Variants in GNS observed in about 807,000 individuals in gnomAD.
GNS encodes the protein N-acetylglucosamine-6-sulfatase.
GNS carries 40 observed loss-of-function variants against 69.7 expected under a neutral mutation model. That is an observed-to-expected ratio of 0.57 (90% CI 0.45 to 0.75). The LOEUF is 0.75. GNS is among the 30% of genes least tolerant of loss of function. The pLI, the probability that GNS is intolerant of heterozygous loss-of-function variation, is 0.00. For synonymous variants in GNS, 243 were observed against 251.6 expected (o/e 0.97, Z 0.32); for missense variants, 565 against 685.5 (o/e 0.82, Z 1.96).
intron 2 of GNS, among the ~76,000 whole-genome samples, chr12:64,749,248 CTTTTTTTTT>C (rs759239939): frequency 3.1e-5 from 2 of 65,054 alleles, no homozygotes; most frequent in Non-Finnish European, 5.3e-5. Context: ...CTTGATTTGG[CTTTTTTTTT>C]TTTTTTTTTT....
intron 11 of GNS, 115 bp from the exon 12 acceptor site, chr12:64,721,820 T>G (rs570890140): frequency 2.1e-5 from 15 of 731,148 alleles, no homozygotes; most frequent in South Asian, 2.0e-4. Flanking sequence ...TGACAGCAAT[T>G]AGAAAACCTT....
chr12:64,740,479 C>G, intron 7 of GNS, 127 bp downstream of exon 7: 1 of 724,802 alleles, frequency 1.4e-6, no homozygotes, highest in Non-Finnish European at 2.5e-6. Flanking sequence ...ATCGAAGCCT[C>G]TCTCCCACTG....
intron 5 of GNS, among the ~76,000 whole-genome samples, chr12:64,743,922 C>T (rs984322118): frequency 4.6e-5 from 7 of 152,068 alleles, no homozygotes; most frequent in Non-Finnish European, 7.4e-5. Context: ...TCATGTATTC[C>T]CAACACTAAC....
chr12:64,739,537 G>A (rs1339921262), intron 7 of GNS, 38 bp from the exon 8 acceptor site: 3 of 891,650 alleles, frequency 3.4e-6, no homozygotes, highest in African/African-American at 1.8e-5. Flanking sequence ...GACTTCAGGG[G>A]CAATGGCTGA....
At chr12:64,744,727 A>G in intron 5 of GNS, 82 bp downstream of exon 5, 1 of 782,246 alleles carries the variant, frequency 1.3e-6, no homozygotes, top group Non-Finnish European at 2.4e-6. Flanking sequence ...AACGAATAAG[A>G]TTATAGGTTT....
At chr12:64,721,517 C>A in intron 12 of GNS, 78 bp downstream of exon 12, 1 of 793,026 alleles carries the variant, frequency 1.3e-6, no homozygotes, top group Non-Finnish European at 2.3e-6. Flanking sequence ...CTTGGAATTG[C>A]TCTTATGCCA....
Position 64,759,298 on chromosome 12 carries a change from CCCCGG to C in GNS, c.-27_-23del. ...GCATAGCGGACAGGCTCCGGGGTGACCCCGGGACGGGACGGGACGGAGGGACGCAC... is the reference window on the plus strand; with the variant it reads ...GCATAGCGGACAGGCTCCGGGGTGACGACGGGACGGGACGGAGGGACGCAC... On this transcript the variant is annotated 5_prime_UTR_variant, in exon 1 of 14. Coordinates refer to ENST00000258145, the MANE Select transcript of GNS (RefSeq NM_002076.4). 1 of 1,472,102 alleles carries C rather than the reference CCCCGG, an allele frequency of 6.8e-7. No homozygotes were observed. The highest frequency in any genetic ancestry group is 9.0e-7 in the Non-Finnish European group (1 of 1,109,064). 91.2% of individuals were successfully genotyped at this position (1,472,102 alleles called of 1,614,324 possible).
At position 64,743,160 on chromosome 12, in the gene GNS, T is replaced by C. The variant is rs751555072; in HGVS notation, c.773A>G (p.Asn258Ser). 3 of 1,613,340 alleles carry C rather than the reference T, an allele frequency of 1.9e-6. No individual in the cohort carries two copies. Among genetic ancestry groups the C allele is most frequent in the African/African-American group, 2.7e-5 (2 of 74,896 alleles). Residue 258 changes from asparagine to serine, a missense_variant, in exon 6 of 14, where the codon AAC becomes AGC. Physicochemically the swap from Asn to Ser is conservative, Grantham distance 46. Around this residue, in one of 2 missense-constraint regions of GNS, gnomAD observed 384 missense variants for 511.0 expected, o/e 0.75. Transcript: ENST00000258145. ...FQNVFAPRNKNFNIHGTNKHW... is the reference protein window; with the variant it reads ...FQNVFAPRNKSFNIHGTNKHW... ...AGCTACCGTTCCATGGATGTTGAAG[T>C]TCTTGTTTCTTGGTGCAAAGACATT...
chr12:64,717,664 G>C (rs1411815285), intron 13 of GNS, among the ~76,000 whole-genome samples: 1 of 151,924 alleles, frequency 6.6e-6, no homozygotes, highest in Non-Finnish European at 1.5e-5. Context: ...CGCCCAGCCA[G>C]GAATGAATCT....
At position 64,721,797 on chromosome 12, in the gene GNS, C is replaced by G. The variant is rs531497431; in HGVS notation, c.1309-92G>C. 2.1e-5 allele frequency: 16 copies of G among 772,202 alleles called. No homozygotes were observed. The East Asian group carries it at 4.0e-4, about 19-fold the overall frequency. The allele number at this position is 772,202 out of a possible 1,614,324, so 47.8% of individuals were successfully genotyped here. On this transcript the variant is annotated intron_variant, in intron 11 of 13. Coordinates refer to ENST00000258145, the MANE Select transcript of GNS (RefSeq NM_002076.4). The stretch of plus-strand genomic sequence containing the variant: ...GAAGGGCAATCGGCTTGGCTCATGC[C>G]GGACATGCAATTTGACAGCAATTAG...
chr12:64,739,030 C>T (rs1869640722), intron 8 of GNS, among the ~76,000 whole-genome samples: 1 of 152,152 alleles, frequency 6.6e-6, no homozygotes, highest in South Asian at 2.1e-4. Context: ...AACAAAAACA[C>T]CCAAAAAACA....
At chr12:64,729,142 C>T (rs1017771349) in intron 9 of GNS, 85 bp from the exon 10 acceptor site, 26 of 772,768 alleles carry the variant, frequency 3.4e-5, no homozygotes, top group Non-Finnish European at 1.4e-5. Flanking sequence ...TTCCCCCCAC[C>T]CCGCCCATGA....
At chr12:64,756,736 A>G (rs1468244943) in intron 1 of GNS, 1 of 1,503,464 alleles carries the variant, frequency 6.7e-7, no homozygotes, top group Non-Finnish European at 8.9e-7. Context: ...CTGTTTGACA[A>G]TTAGTGGTAG....
intron 3 of GNS, chr12:64,746,196 C>G (rs1869893611): frequency 4.9e-6 from 1 of 204,498 alleles, no homozygotes. Flanking sequence ...TACTATCTGA[C>G]CCACTACAGA....
rs748439057 is a variant in GNS at position 64,740,734 on chromosome 12, C to T, written c.793-46G>A. 1.1e-5 allele frequency: 10 copies of T among 874,220 alleles called. No homozygotes were observed. The South Asian group carries it at 1.2e-4, about 10-fold the overall frequency. 54.2% of individuals were successfully genotyped at this position (874,220 alleles called of 1,614,324 possible). A position where few individuals can be genotyped will look rare whatever the true frequency, so the allele number is the denominator to read the frequency against. Reference sequence around the variant, plus strand: ...AATGTTAACACCAAGTCACCACAGTCAAACAAACTACTGGATTACTACAGT... The same window carrying T: ...AATGTTAACACCAAGTCACCACAGTTAAACAAACTACTGGATTACTACAGT... On this transcript the variant is annotated intron_variant, in intron 6 of 13. Transcript: ENST00000258145.
chr12:64,720,794 G>A (rs1249604878), intron 12 of GNS, among the ~76,000 whole-genome samples: 1 of 152,172 alleles, frequency 6.6e-6, no homozygotes. Flanking sequence ...CTCCAAATTG[G>A]AGTCAAATGT....
chr12:64,725,150 G>T (rs1035833165), intron 10 of GNS, among the ~76,000 whole-genome samples: 1 of 152,166 alleles, frequency 6.6e-6, no homozygotes, highest in Non-Finnish European at 1.5e-5. Context: ...TTTAGTTTCC[G>T]AGTGATTCTG....
chr12:64,752,987 A>C (rs988623349), intron 1 of GNS: 4 of 571,920 alleles, frequency 7.0e-6, no homozygotes, highest in Middle Eastern at 3.8e-4. Context: ...GGGAAAGTTC[A>C]GTTGATGGCA....
chr12:64,756,714 C>CAGAG, intron 1 of GNS: 1 of 1,474,720 alleles, frequency 6.8e-7, no homozygotes, highest in Non-Finnish European at 9.2e-7. Context: ...CCTAGCTCTT[C>CAGAG]CCCTTGGAGT....
Sources: gnomAD v4.1 joint callset for allele counts (sites outside exome capture counted in the v4.1 genomes callset) on GRCh38, gnomAD v4.1.1 for gene constraint, gnomAD v4.1.1 regional missense constraint, MANE v1.5 for transcripts, NCBI Gene and HGNC (gene_info 2026-07-23, HGNC 2026-07-21) for gene names.